Variants in MRPL58 observed in about 807,000 individuals in gnomAD.
MRPL58 encodes the protein mitochondrial ribosomal protein L58, also known as large ribosomal subunit protein mL62.
A neutral mutation model predicts 26.0 loss-of-function variants in MRPL58; 17 were observed. The ratio of observed to expected loss-of-function variants is 0.65; its 90% confidence interval spans 0.45 to 0.98. The LOEUF is 0.98. Among genes scored for constraint, MRPL58 ranks in the 50% least tolerant of loss-of-function variants. The probability of loss-of-function intolerance (pLI) is 0.00; values close to 1 mark genes in which losing one functional copy is unlikely to be tolerated. For missense variants in MRPL58, 250 were observed against 269.0 expected, an observed-to-expected ratio of 0.93 and a Z score of 0.49; for synonymous variants, 100 against 99.7, an observed-to-expected ratio of 1.00 and a Z score of -0.02.
At chr17:75,020,257 T>C (rs1326549308) in intron 3 of MRPL58, 56 bp from the exon 4 acceptor site, 1 of 1,372,862 alleles carries the variant, frequency 7.3e-7, no homozygotes, top group African/African-American at 1.4e-5. Flanking sequence ...CACCCAGGGG[T>C]TGATCCTTCC....
At chr17:75,018,099 T>C (rs1321926881) in intron 2 of MRPL58, among the ~76,000 whole-genome samples, 1 of 152,202 alleles carries the variant, frequency 6.6e-6, no homozygotes, top group Non-Finnish European at 1.5e-5. Flanking sequence ...CTGTGCCGTG[T>C]GCCACGTGAG....
intron 3 of MRPL58, 48 bp downstream of exon 3, chr17:75,019,807 G>C: frequency 2.0e-6 from 3 of 1,500,536 alleles, no homozygotes; most frequent in Non-Finnish European, 2.7e-6. Context: ...GTAGCTGGGA[G>C]ATGGGCTTGA....
In MRPL58 at chr17:75,019,764, G is replaced by A. The variant is rs760237247; in HGVS notation, c.283+5G>A. The A allele has an allele frequency of 1.4e-5, 23 of 1,592,886 alleles. No individual in the cohort carries two copies. Among genetic ancestry groups the A allele is most frequent in the Admixed American group, 8.6e-5 (5 of 58,420 alleles). Reference sequence around the variant, plus strand: ...GGGGGCAGAATGTGAACAAAGGTACGGGGTGCCTTGTTGCTTTCTTTTGCT... The same window carrying A: ...GGGGGCAGAATGTGAACAAAGGTACAGGGTGCCTTGTTGCTTTCTTTTGCT... On this transcript the variant is annotated splice_donor_5th_base_variant and intron_variant, in intron 3 of 5. Transcript: ENST00000301585.
intron 1 of MRPL58, among the ~76,000 whole-genome samples, chr17:75,013,814 G>A (rs1598664762): frequency 6.6e-6 from 1 of 152,306 alleles, no homozygotes; most frequent in East Asian, 1.9e-4. Context: ...TGGCTCAGCA[G>A]GGGTCAGGAG....
intron 1 of MRPL58, among the ~76,000 whole-genome samples, chr17:75,014,918 C>G (rs542006657): frequency 3.0e-4 from 45 of 152,346 alleles, no homozygotes; most frequent in African/African-American, 1.1e-3. Flanking sequence ...TACAGGATCT[C>G]TCTCCTTCAT....
chr17:75,013,031 G>C lies in MRPL58; in HGVS notation c.186+159G>C, dbSNP rs557163382. On this transcript the variant is annotated intron_variant, in intron 1 of 5. Coordinates refer to ENST00000301585, the MANE Select transcript of MRPL58 (RefSeq NM_001545.3). ...TGTCTGCGCTAACCTGGCCGGGAGTGGGGTGCTCGCTGTAGCGCGAGATGT... is the reference window on the plus strand; with the variant it reads ...TGTCTGCGCTAACCTGGCCGGGAGTCGGGTGCTCGCTGTAGCGCGAGATGT... Among the ~76,000 whole-genome samples the C allele has an allele frequency of 1.7e-3, 255 of 152,148 alleles. 1 individual carries two copies. Among genetic ancestry groups the C allele is most frequent in the Non-Finnish European group, 3.1e-3 (211 of 68,022 alleles).
chr17:75,020,828 T>C, intron 5 of MRPL58, 93 bp from the exon 6 acceptor site: 2 of 1,226,350 alleles, frequency 1.6e-6, no homozygotes, highest in Non-Finnish European at 2.4e-6. Context: ...CTGGTGTAAC[T>C]GCTCGGCTTC....
rs942067737 is a variant in MRPL58 at position 75,012,833 on chromosome 17, C to T, written c.147C>T (p.Tyr49=). The T allele has an allele frequency of 1.2e-6, 2 of 1,612,366 alleles. No individual in the cohort carries two copies. Among genetic ancestry groups the T allele is most frequent in the Non-Finnish European group, 8.5e-7 (1 of 1,179,570 alleles). ...GCATCTACAGCCTGGACAAGCTCTA[C>T]CCCGAATCTCAGGGCTCGGACACCG... ...FKSIYSLDKL[Y]PESQGSDTAW... The change falls in exon 1 of 6, where the codon TAC becomes TAT. Residue 49 remains tyrosine, a synonymous_variant. Transcript: ENST00000301585.
intron 2 of MRPL58, among the ~76,000 whole-genome samples, chr17:75,017,804 A>C (rs1156561291): frequency 6.6e-6 from 1 of 152,138 alleles, no homozygotes; most frequent in South Asian, 2.1e-4. Flanking sequence ...GGCGCCTGTG[A>C]TCCCAGCTAC....
At position 75,017,096 on chromosome 17, in the gene MRPL58, G is replaced by C. The variant is rs770089302; in HGVS notation, c.205G>C (p.Asp69His). 6.2e-7 allele frequency: 1 copy of C among 1,612,870 alleles called. No individual in the cohort carries two copies. The highest frequency in any genetic ancestry group is 1.1e-5 in the South Asian group (1 of 91,042). Residue 69 changes from aspartate to histidine, a missense_variant, in exon 2 of 6, where the codon GAC becomes CAC. Asp to His is a moderately conservative substitution (Grantham distance 81, BLOSUM62 -1). Coordinates refer to ENST00000301585, the MANE Select transcript of MRPL58 (RefSeq NM_001545.3). ...ATTACAGAATGGTGCAAAGCAAGCC[G>C]ACAGTGACATCCCTCTAGGTAAGTA... is the stretch of plus-strand genomic sequence containing the variant. Reference protein sequence around the residue: ...WRVPNGAKQADSDIPLDRLTI... With the variant: ...WRVPNGAKQAHSDIPLDRLTI...
chr17:75,015,371 C>G (rs1360325364), intron 1 of MRPL58, among the ~76,000 whole-genome samples: 3 of 152,184 alleles, frequency 2.0e-5, no homozygotes, highest in African/African-American at 7.2e-5. Context: ...GTAGTCCCAG[C>G]TACTCAGGAG....
chr17:75,020,832 C>T (rs946891967), intron 5 of MRPL58, 89 bp from the exon 6 acceptor site: 17 of 1,244,776 alleles, frequency 1.4e-5, no homozygotes, highest in South Asian at 2.5e-5. Context: ...TGTAACTGCT[C>T]GGCTTCCCGT....
Position 75,020,298 on chromosome 17 carries a change from C to G in MRPL58, c.284-15C>G. 6.2e-7 allele frequency: 1 copy of G among 1,609,420 alleles called. No individual in the cohort carries two copies. The highest frequency in any genetic ancestry group is 1.1e-5 in the South Asian group (1 of 90,960). On this transcript the variant is annotated splice_polypyrimidine_tract_variant and intron_variant, in intron 3 of 5. Coordinates refer to ENST00000301585, the MANE Select transcript of MRPL58 (RefSeq NM_001545.3). ...GTCTCAGGCACCCATGCTCCCTTCT[C>G]CCTTTCCTCCACAGTGAATTCCAAG...
intron 2 of MRPL58, among the ~76,000 whole-genome samples, chr17:75,017,796 C>T (rs1214467526): frequency 6.6e-6 from 1 of 151,164 alleles, no homozygotes; most frequent in Non-Finnish European, 1.5e-5. Context: ...TGGTGGTGGG[C>T]GCCTGTGATC....
chr17:75,013,253 C>T (rs1054761995), intron 1 of MRPL58, among the ~76,000 whole-genome samples: 3 of 152,188 alleles, frequency 2.0e-5, no homozygotes, highest in African/African-American at 7.2e-5. Context: ...TCCATTGTCT[C>T]TAGTAACCCC....
At chr17:75,014,121 A>C (rs975669058) in intron 1 of MRPL58, among the ~76,000 whole-genome samples, 1 of 148,428 alleles carries the variant, frequency 6.7e-6, no homozygotes, top group Non-Finnish European at 1.5e-5. Context: ...AGCCTGCAAG[A>C]TTTGCTAATT....
chr17:75,016,403 G>A (rs1022242505), intron 1 of MRPL58, among the ~76,000 whole-genome samples: 2 of 151,898 alleles, frequency 1.3e-5, no homozygotes, highest in Non-Finnish European at 2.9e-5. Flanking sequence ...GCTACAGAGC[G>A]AGACTCCATC....
Position 75,012,725 on chromosome 17 carries a change from A to C in MRPL58, c.39A>C (p.Arg13=). The C allele has an allele frequency of 1.3e-6, 2 of 1,577,934 alleles. No individual in the cohort carries two copies. Among genetic ancestry groups the C allele is most frequent in the Non-Finnish European group, 1.7e-6 (2 of 1,164,246 alleles). ...GGTGCCTGCGCTGGGGCCTGAGCCG[A>C]GCCGGAGTCTGGCTGCTCCCACCGC... The part of the protein sequence containing the change: ...ATRCLRWGLS[R]AGVWLLPPPA... The change falls in exon 1 of 6, where the codon CGA becomes CGC. Residue 13 remains arginine (R), a synonymous_variant. Coordinates refer to ENST00000301585, the MANE Select transcript of MRPL58 (RefSeq NM_001545.3).
intron 1 of MRPL58, among the ~76,000 whole-genome samples, chr17:75,014,529 C>T (rs1377175209): frequency 2.0e-5 from 3 of 150,552 alleles, no homozygotes; most frequent in Admixed American, 1.3e-4. Context: ...CTGCAACCTC[C>T]GCCTCCTGGG....
Sources: allele counts gnomAD v4.1 joint callset (sites outside exome capture counted in the v4.1 genomes callset), GRCh38; gene constraint gnomAD v4.1.1; transcripts MANE v1.5; gene names NCBI Gene and HGNC (gene_info 2026-07-23, HGNC 2026-07-21).